Variants in ARMC3 observed in about 807,000 individuals in gnomAD.
ARMC3 encodes armadillo repeat-containing protein 3.
In ARMC3, 74 loss-of-function variants were observed where a neutral mutation model predicts 90.3. The ratio of observed to expected loss-of-function variants is 0.82; its 90% CI spans 0.68 to 0.99. The LOEUF is 0.99. Ranked by LOEUF, ARMC3 falls within the 50% of genes least tolerant of loss-of-function variation. The pLI, the probability that ARMC3 is intolerant of heterozygous loss-of-function variation, is 0.00. For missense variants in ARMC3, 958 were observed against 1,042.8 expected, an observed-to-expected ratio of 0.92 and a Z score of 1.12; for synonymous variants, 334 against 361.8, an observed-to-expected ratio of 0.92 and a Z score of 0.87.
At chr10:22,963,024 GTTAC>G (rs1835269154) in intron 7 of ARMC3, among the ~76,000 whole-genome samples, 1 of 152,218 alleles carries the variant, frequency 6.6e-6, no homozygotes, top group South Asian at 2.1e-4. Context: ...AACCAGAAAT[GTTAC>G]TTAATTTGCC....
rs370325965 is a variant in ARMC3 at position 22,945,646 on chromosome 10, T to C, written c.49-498T>C. Among the ~76,000 whole-genome samples the C allele has an allele frequency of 2.4e-3, 368 of 152,328 alleles. 3 individuals carry two copies. Among genetic ancestry groups the C allele is most frequent in the South Asian group, 9.3e-3 (45 of 4,820 alleles). ...GTGGTTGGAAAGCAAGTATTGATTA[T>C]TGAGATGGTCATGGAATAAAATATA... On this transcript the variant is annotated intron_variant, in intron 2 of 18. Transcript: ENST00000298032.
intron 3 of ARMC3, among the ~76,000 whole-genome samples, chr10:22,948,006 GGTTT>G (rs1834606023): frequency 1.3e-5 from 2 of 151,694 alleles, no homozygotes; most frequent in African/African-American, 2.4e-5. Context: ...TAACTAAACT[GGTTT>G]TTTTTAATAA....
At chr10:22,931,077 T>A (rs1049886734) in intron 1 of ARMC3, among the ~76,000 whole-genome samples, 4 of 152,134 alleles carry the variant, frequency 2.6e-5, no homozygotes, top group Non-Finnish European at 5.9e-5. Flanking sequence ...ACAAGGCACG[T>A]GCCACCACAC....
Position 22,998,256 on chromosome 10 carries a change from G to C in ARMC3, c.1284G>C (p.Gln428His). The C allele has an allele frequency of 6.2e-7, 1 of 1,612,592 alleles. No individual in the cohort carries two copies. The highest frequency in any genetic ancestry group is 8.5e-7 in the Non-Finnish European group (1 of 1,179,182). ...AATVLTNMAM[Q>H]EPLRLNIQNH... The stretch of plus-strand genomic sequence containing the variant: ...CAGTATTAACAAACATGGCCATGCA[G>C]GAGCCCCTGCGCCTGAACATACAGA... Residue 428 changes from glutamine (Q) to histidine (H), a missense_variant, in exon 11 of 19, where the codon CAG (glutamine) becomes CAC (histidine). By Grantham distance (24) the Gln-to-His change is conservative. Transcript: ENST00000298032.
rs753036699 is a variant in ARMC3, at chr10:23,008,262, G to A, written c.1830-14G>A. On this transcript the variant is annotated splice_polypyrimidine_tract_variant and intron_variant, in intron 14 of 18. Coordinates refer to ENST00000298032, the MANE Select transcript of ARMC3 (RefSeq NM_173081.5). Reference sequence around the variant, plus strand: ...TTTTAATCTATATATAATTTTAAATGTGTAAAATTTTAGTTCTCCACCTTC... The same window carrying A: ...TTTTAATCTATATATAATTTTAAATATGTAAAATTTTAGTTCTCCACCTTC... 3.1e-6 allele frequency: 4 copies of A among 1,294,070 alleles called. No individual in the cohort carries two copies. The highest frequency in any genetic ancestry group is 2.5e-5 in the East Asian group (1 of 40,048). 80.2% of individuals were successfully genotyped at this position (1,294,070 alleles called of 1,614,324 possible).
chr10:22,986,643 G>C (rs1298896791), intron 10 of ARMC3, among the ~76,000 whole-genome samples: 3 of 149,568 alleles, frequency 2.0e-5, no homozygotes, highest in African/African-American at 4.9e-5. Context: ...TGAAAACAAA[G>C]TCTATTTGAC....
At chr10:22,964,946 A>G (rs1432698708) in intron 7 of ARMC3, among the ~76,000 whole-genome samples, 1 of 151,592 alleles carries the variant, frequency 6.6e-6, no homozygotes, top group Non-Finnish European at 1.5e-5. Flanking sequence ...TACTTTTCCT[A>G]CTCTTAATAT....
chr10:22,928,390 A>G (rs1456667362), intron 1 of ARMC3, among the ~76,000 whole-genome samples: 1 of 152,208 alleles, frequency 6.6e-6, no homozygotes, highest in East Asian at 1.9e-4. Flanking sequence ...GCAACTCAGA[A>G]GTGGCCTCGA....
In ARMC3 at chr10:23,032,846, A is replaced by G. The variant is rs769986421; in HGVS notation, c.2247-15A>G. 5.6e-6 allele frequency: 9 copies of G among 1,606,286 alleles called. No individual in the cohort carries two copies. In the Admixed American group the frequency reaches 6.8e-5, roughly 12 times the overall value. ...ATTAAAATTGACCGATTTGATCTCA[A>G]TGTAATTGACACAGGTATGTAGCAG... is the stretch of plus-strand genomic sequence containing the variant. On this transcript the variant is annotated splice_polypyrimidine_tract_variant and intron_variant, in intron 17 of 18. Transcript: ENST00000298032.
chr10:22,936,351 G>A (rs1463413071), intron 2 of ARMC3, among the ~76,000 whole-genome samples: 1 of 152,140 alleles, frequency 6.6e-6, no homozygotes, highest in Admixed American at 6.5e-5. Flanking sequence ...CATTTCAAGT[G>A]CTAAAGAACT....
intron 8 of ARMC3, among the ~76,000 whole-genome samples, chr10:22,978,662 C>A (rs543091922): frequency 6.6e-6 from 1 of 152,266 alleles, no homozygotes; most frequent in Admixed American, 6.5e-5. Context: ...AAAAACTTAA[C>A]AATGAATAAG....
intron 2 of ARMC3, among the ~76,000 whole-genome samples, chr10:22,937,913 A>G (rs1253028218): frequency 1.3e-5 from 2 of 152,218 alleles, no homozygotes; most frequent in South Asian, 2.1e-4. Flanking sequence ...CTGGACAAAT[A>G]TAGAGTGCCT....
chr10:22,976,007 C>T (rs1281599025), intron 8 of ARMC3, among the ~76,000 whole-genome samples: 3 of 152,170 alleles, frequency 2.0e-5, no homozygotes, highest in African/African-American at 7.2e-5. Flanking sequence ...CCTGTTTTCC[C>T]ATCAATTGAA....
intron 3 of ARMC3, among the ~76,000 whole-genome samples, chr10:22,952,611 A>T (rs1224903750): frequency 6.6e-6 from 1 of 152,226 alleles, no homozygotes. Flanking sequence ...GGAAGAAATA[A>T]TACCAATTAC....
chr10:23,019,896 G>A (rs1379945041), intron 16 of ARMC3, among the ~76,000 whole-genome samples: 1 of 152,186 alleles, frequency 6.6e-6, no homozygotes, highest in African/African-American at 2.4e-5. Context: ...CATACAGTGT[G>A]TAACGTTTGA....
intron 15 of ARMC3, 56 bp from the exon 16 acceptor site, chr10:23,008,759 G>A: frequency 5.0e-6 from 7 of 1,387,644 alleles, no homozygotes; most frequent in East Asian, 2.3e-5. Context: ...CAAATGTAAT[G>A]TATTGTTGTT....
chr10:23,001,761 T>C (rs1251282283), intron 11 of ARMC3, among the ~76,000 whole-genome samples, 158 bp from the exon 12 acceptor site: 12 of 152,118 alleles, frequency 7.9e-5, no homozygotes, highest in African/African-American at 2.9e-4. Flanking sequence ...TGCAATAGAT[T>C]TTTCACCCCT....
rs1834126885 is a variant in ARMC3, at chr10:22,936,757, T to C, written c.48+4713T>C. On this transcript the variant is annotated intron_variant, in intron 2 of 18. Transcript: ENST00000298032. Reference sequence around the variant, plus strand: ...GTGCCCTTTTTAATAAAAAAATTACTATAATGGTGCAGGCTCTGTAGGAGA... The same window carrying C: ...GTGCCCTTTTTAATAAAAAAATTACCATAATGGTGCAGGCTCTGTAGGAGA... 2.0e-5 allele frequency among the ~76,000 whole-genome samples: 3 copies of C among 152,190 alleles called. No individual in the cohort carries two copies. The South Asian group carries it at 6.2e-4, about 32-fold the overall frequency.
intron 3 of ARMC3, among the ~76,000 whole-genome samples, chr10:22,953,658 A>G (rs990678350): frequency 2.0e-5 from 3 of 152,218 alleles, no homozygotes; most frequent in African/African-American, 7.2e-5. Flanking sequence ...TTTATTCAAC[A>G]TTGTATGGGA....
Sources: gnomAD v4.1 joint callset for allele counts (sites outside exome capture counted in the v4.1 genomes callset) on GRCh38, gnomAD v4.1.1 for gene constraint, MANE v1.5 for transcripts, NCBI Gene and HGNC (gene_info 2026-07-23, HGNC 2026-07-21) for gene names.